Variants in NTM observed in about 807,000 individuals in gnomAD.
NTM encodes the protein neurotrimin.
A neutral mutation model predicts 42.1 loss-of-function variants in NTM; 13 were observed. The observed-to-expected ratio is 0.31, with a 90% CI of 0.20 to 0.49. The LOEUF is 0.49. NTM is among the 20% of genes least tolerant of loss of function. The pLI, the probability that NTM is intolerant of heterozygous loss-of-function variation, is 0.99. For missense variants in NTM, 373 were observed against 452.8 expected, an observed-to-expected ratio of 0.82 and a Z score of 1.60; for synonymous variants, 187 against 179.2, an observed-to-expected ratio of 1.04 and a Z score of -0.35.
intron 1 of NTM, among the ~76,000 whole-genome samples, chr11:131,763,550 C>A (rs1232836826): frequency 2.0e-5 from 3 of 151,842 alleles, no homozygotes; most frequent in Non-Finnish European, 2.9e-5. Context: ...TGATTTATAG[C>A]CTTACACAAC....
At position 132,212,029 on chromosome 11, in the gene NTM, C is replaced by G; in HGVS notation, c.408C>G (p.Pro136=). ...SRVHLIVQVS[P]KIVEISSDIS... ...TCTGTCTTGTTTCCACAGTATCTCC[C>G]AAAATTGTAGAGATTTCTTCAGATA... Residue 136 remains proline, a synonymous_variant, in exon 4 of 9, where the codon CCC becomes CCG. Transcript: ENST00000683400. 1 of 1,607,448 alleles carries G rather than the reference C, an allele frequency of 6.2e-7. No individual in the cohort carries two copies. The highest frequency in any genetic ancestry group is 8.5e-7 in the Non-Finnish European group (1 of 1,177,784).
chr11:131,545,812 T>A (rs568056814), intron 1 of NTM, among the ~76,000 whole-genome samples: 1 of 152,100 alleles, frequency 6.6e-6, no homozygotes, highest in African/African-American at 2.4e-5. Context: ...GGCAGGGGCC[T>A]GGGGAGAAGA....
chr11:132,147,633 G>T (rs2070827876), intron 3 of NTM, among the ~76,000 whole-genome samples: 1 of 151,934 alleles, frequency 6.6e-6, no homozygotes, highest in South Asian at 2.1e-4. Context: ...CTTATTTTGT[G>T]ATGTCAGCAG....
rs547840136 is a variant in NTM, at chr11:132,053,708, A to G, written c.168-92574A>G. On this transcript the variant is annotated intron_variant, in intron 2 of 8. Coordinates refer to ENST00000683400, the MANE Select transcript of NTM (RefSeq NM_001352005.2). ...CAAAATTAAGTGAATTCTTGCTTCA[A>G]ATACTCAAATAGAGGATTTATCTTG... Among the ~76,000 whole-genome samples the G allele has an allele frequency of 4.3e-4, 66 of 152,348 alleles. 1 individual carries two copies. The highest frequency in any genetic ancestry group is 1.6e-3 in the African/African-American group (65 of 41,582).
intron 2 of NTM, among the ~76,000 whole-genome samples, chr11:131,956,106 C>G (rs2061527797): frequency 6.6e-6 from 1 of 152,160 alleles, no homozygotes; most frequent in Non-Finnish European, 1.5e-5. Flanking sequence ...TTCTTTAGGA[C>G]AAACCTCTCT....
chr11:132,289,220 C>T (rs2094365080), intron 4 of NTM, among the ~76,000 whole-genome samples: 1 of 152,154 alleles, frequency 6.6e-6, no homozygotes, highest in Admixed American at 6.5e-5. Flanking sequence ...CTTCCCCTTG[C>T]TCTTTGTAGG....
intron 1 of NTM, among the ~76,000 whole-genome samples, chr11:131,495,230 G>A (rs987643357): frequency 1.3e-5 from 2 of 152,144 alleles, no homozygotes; most frequent in African/African-American, 2.4e-5. Flanking sequence ...GGGACAGCCA[G>A]CACAACCTGC....
At chr11:131,424,331 A>G (rs903124439) in intron 1 of NTM, among the ~76,000 whole-genome samples, 6 of 152,108 alleles carry the variant, frequency 3.9e-5, no homozygotes, top group Non-Finnish European at 8.8e-5. Flanking sequence ...CTCACACTGC[A>G]CTGGAGACAG....
At chr11:131,533,724 A>G (rs1304735481) in intron 1 of NTM, 2 of 152,216 alleles carry the variant, frequency 1.3e-5, no homozygotes, top group Non-Finnish European at 2.9e-5. Flanking sequence ...TCTGCCAGGA[A>G]ATACAGTTGG....
intron 4 of NTM, among the ~76,000 whole-genome samples, chr11:132,279,812 T>C (rs528090485): frequency 1.3e-5 from 2 of 152,322 alleles, no homozygotes; most frequent in African/African-American, 4.8e-5. Context: ...ACACTCTGCA[T>C]TTCCTTTGCA....
chr11:132,004,258 T>C (rs1046081237), intron 2 of NTM, among the ~76,000 whole-genome samples: 1 of 152,186 alleles, frequency 6.6e-6, no homozygotes, highest in African/African-American at 2.4e-5. Context: ...ATGTGAATTA[T>C]ATATATTCAA....
intron 1 of NTM, among the ~76,000 whole-genome samples, chr11:131,812,627 T>C (rs2092786281): frequency 6.6e-6 from 1 of 152,048 alleles, no homozygotes. Flanking sequence ...AGATGGCTTC[T>C]ACAAATGCCT....
At position 132,044,154 on chromosome 11, in the gene NTM, GTGTGTGTGTGCTTATGTGCATGTGTA is replaced by G. The variant is rs71067355; in HGVS notation, c.168-102117_168-102092del. On this transcript the variant is annotated intron_variant, in intron 2 of 8. Coordinates refer to ENST00000683400, the MANE Select transcript of NTM (RefSeq NM_001352005.2). ...TATGTGTGTGTGTATGTGCGTGTGT[GTGTGTGTGTGCTTATGTGCATGTGTA>G]TGTGTGTGTGTTATCATTTAAATGG... Among the ~76,000 whole-genome samples, 1,269 of 139,724 alleles carry G rather than the reference GTGTGTGTGTGCTTATGTGCATGTGTA, an allele frequency of 9.1e-3. 28 individuals carry two copies. The highest frequency in any genetic ancestry group is 0.03 in the African/African-American group (1,056 of 35,142). The allele number at this position is 139,724 out of a possible 152,430, so 91.7% of individuals were successfully genotyped here.
At chr11:131,407,856 G>A (rs556305494) in intron 1 of NTM, among the ~76,000 whole-genome samples, 1 of 152,160 alleles carries the variant, frequency 6.6e-6, no homozygotes, top group Non-Finnish European at 1.5e-5. Flanking sequence ...GTAGCATTTG[G>A]GTTAATGAAC....
intron 2 of NTM, among the ~76,000 whole-genome samples, chr11:132,058,926 G>C (rs2080165892): frequency 6.6e-6 from 1 of 152,222 alleles, no homozygotes; most frequent in African/African-American, 2.4e-5. Context: ...GTGTGTGATA[G>C]ATATTGTGAA....
intron 1 of NTM, among the ~76,000 whole-genome samples, chr11:131,876,802 T>C (rs2048598367): frequency 6.6e-6 from 1 of 152,102 alleles, no homozygotes; most frequent in Admixed American, 6.5e-5. Context: ...AAATAACACC[T>C]GTAAACTGTA....
At chr11:131,976,301 G>A (rs2064373919) in intron 2 of NTM, among the ~76,000 whole-genome samples, 1 of 152,154 alleles carries the variant, frequency 6.6e-6, no homozygotes, top group Non-Finnish European at 1.5e-5. Context: ...GAGTACAGGA[G>A]ATGGGTTGTT....
intron 1 of NTM, among the ~76,000 whole-genome samples, chr11:131,697,263 T>C (rs7126923): frequency 0.11 from 16,249 of 152,264 alleles, 2,845 homozygotes; most frequent in African/African-American, 0.36. Flanking sequence ...GTCGGATGGG[T>C]CTCTCAGAGC....
chr11:131,695,176 G>GA (rs2075301300), intron 1 of NTM, among the ~76,000 whole-genome samples: 1 of 34,438 alleles, frequency 2.9e-5, no homozygotes, highest in Admixed American at 4.3e-4. Context: ...GCCCTGAAAA[G>GA]AAAAATCTCT....
Sources: gnomAD v4.1 joint callset for allele counts (sites outside exome capture counted in the v4.1 genomes callset) on GRCh38, gnomAD v4.1.1 for gene constraint, MANE v1.5 for transcripts, NCBI Gene and HGNC (gene_info 2026-07-23, HGNC 2026-07-21) for gene names.